The following ANK3 variants were observed in gnomAD, a reference collection of about 807,000 sequenced individuals.
The protein encoded by ANK3 is ankyrin 3, also known as ankyrin-3.
In ANK3, 57 loss-of-function variants were observed where a neutral mutation model predicts 370.9. The observed-to-expected ratio is 0.15, with a 90% CI of 0.12 to 0.19. The LOEUF is 0.19. Ranked by LOEUF, ANK3 falls within the 10% of genes least tolerant of loss-of-function variation. The pLI is 1.00. For missense variants in ANK3, 4,439 were observed against 5,302.1 expected, an observed-to-expected ratio of 0.84 and a Z score of 5.06; for synonymous variants, 1,929 against 1,946.3, an observed-to-expected ratio of 0.99 and a Z score of 0.23.
At chr10:60,319,368 A>G (rs2048142617) in intron 1 of ANK3, among the ~76,000 whole-genome samples, 1 of 152,184 alleles carries the variant, frequency 6.6e-6, no homozygotes, top group African/African-American at 2.4e-5. Context: ...AGGTAGTTGC[A>G]CTAGAACTAG....
chr10:60,239,303 G>A (rs2097384453), intron 7 of ANK3, among the ~76,000 whole-genome samples: 1 of 151,890 alleles, frequency 6.6e-6, no homozygotes, highest in Non-Finnish European at 1.5e-5. Context: ...GAGATGCCAA[G>A]CAAGATAAAC....
At chr10:60,557,473 C>T (rs1028574541) in intron 2 of ANK3, among the ~76,000 whole-genome samples, 13 of 151,908 alleles carry the variant, frequency 8.6e-5, no homozygotes, top group Non-Finnish European at 2.9e-5. Context: ...GTTGCCAAAG[C>T]CTGGGGAGAG....
chr10:60,469,038 T>C (rs2065088771), intron 2 of ANK3, among the ~76,000 whole-genome samples: 1 of 71,062 alleles, frequency 1.4e-5, no homozygotes, highest in East Asian at 3.8e-4. Context: ...AGTGTATATA[T>C]ATATATATAT....
At position 60,671,749 on chromosome 10, in the gene ANK3, G is replaced by C. The variant is rs559314918; in HGVS notation, c.58-56525C>G. The stretch of plus-strand genomic sequence containing the variant: ...ATCTTACTCTCTAGGACCACTCACA[G>C]TGGGGAGAATCCAGCAGCCATGTTG... On this transcript the variant is annotated intron_variant, in intron 1 of 43. Transcript: ENST00000373827. Among the ~76,000 whole-genome samples, 4 of 152,356 alleles carry C rather than the reference G, an allele frequency of 2.6e-5. No homozygotes were observed. In the East Asian group the frequency reaches 7.7e-4, roughly 29 times the overall value.
chr10:60,394,386 C>G (rs528460511), upstream of ANK3, among the ~76,000 whole-genome samples: 114 of 152,136 alleles, frequency 7.5e-4, 3 homozygotes, highest in South Asian at 0.022. Context: ...GCCATTCATA[C>G]ACCCCTTGTA....
chr10:60,125,687 G>A (rs1308094294), intron 25 of ANK3, among the ~76,000 whole-genome samples: 1 of 152,168 alleles, frequency 6.6e-6, no homozygotes, highest in African/African-American at 2.4e-5. Flanking sequence ...GGGAGATGGG[G>A]GTGGGAGTGT....
In ANK3 at chr10:60,071,309, G is replaced by T. The variant is rs755029765; in HGVS notation, c.9572C>A (p.Ala3191Asp). 5.0e-5 allele frequency: 80 copies of T among 1,614,072 alleles called. No individual in the cohort carries two copies. The highest frequency in any genetic ancestry group is 6.8e-5 in the Non-Finnish European group (80 of 1,179,998). ...TGGGCTGGGTTTGCCTGGTATATAA[G>T]CTATGAGCGAGTCAGGTGTCTTAGA... ...FTSKTPDSLI[A>D]YIPGKPSPIP... The change falls in exon 37 of 44, where the codon GCT (alanine) becomes GAT (aspartate). Residue 3191 changes from alanine to aspartate, a missense_variant. Physicochemically the swap from Ala to Asp is moderately radical, Grantham distance 126. Coordinates refer to ENST00000280772, the MANE Select transcript of ANK3 (RefSeq NM_020987.5).
Position 60,074,874 on chromosome 10 carries a change from G to C in ANK3, c.6007C>G (p.Gln2003Glu), listed in dbSNP as rs1408696210. 4.3e-6 allele frequency: 7 copies of C among 1,613,640 alleles called. No homozygotes were observed. Among genetic ancestry groups the C allele is most frequent in the Non-Finnish European group, 8.5e-7 (1 of 1,179,936 alleles). Residue 2003 changes from glutamine (Q) to glutamate (E), a missense_variant, in exon 37 of 44, where the codon CAA (glutamine) becomes GAA (glutamate). Coordinates refer to ENST00000280772, the MANE Select transcript of ANK3 (RefSeq NM_020987.5). ...SSEEIREARQ[Q>E]AAASQSPSLP... ...GATGGAGACTGGCTCGCAGCAGCTTGTTGTCTGGCTTCCCGGATTTCTTCC... is the reference window on the plus strand; with the variant it reads ...GATGGAGACTGGCTCGCAGCAGCTTCTTGTCTGGCTTCCCGGATTTCTTCC...
chr10:60,031,041 A>G (rs915812665), intron 43 of ANK3, among the ~76,000 whole-genome samples: 1 of 152,178 alleles, frequency 6.6e-6, no homozygotes, highest in African/African-American at 2.4e-5. Context: ...TTCCATGAGC[A>G]GAAAGGGCCA....
At chr10:60,181,213 T>C in intron 18 of ANK3, 116 bp downstream of exon 18, 1 of 952,834 alleles carries the variant, frequency 1.0e-6, no homozygotes, top group Non-Finnish European at 1.6e-6. Context: ...TTTAAAATAC[T>C]ACGTAGAAAA....
intron 38 of ANK3, among the ~76,000 whole-genome samples, chr10:60,067,267 T>C (rs1414200227): frequency 6.6e-6 from 1 of 152,216 alleles, no homozygotes; most frequent in Non-Finnish European, 1.5e-5. Flanking sequence ...AAAAATCACA[T>C]TTAAAAATTT....
chr10:60,360,216 T>C (rs546270692), intron 1 of ANK3, among the ~76,000 whole-genome samples: 1 of 152,346 alleles, frequency 6.6e-6, no homozygotes, highest in African/African-American at 2.4e-5. Context: ...GCTTACTTTA[T>C]TTGCCTGTTT....
At chr10:60,158,906 C>T (rs952347522) in intron 23 of ANK3, among the ~76,000 whole-genome samples, 1 of 151,882 alleles carries the variant, frequency 6.6e-6, no homozygotes, top group African/African-American at 2.4e-5. Flanking sequence ...GAACTCCTGG[C>T]CTCAAGTGAT....
intron 18 of ANK3, among the ~76,000 whole-genome samples, chr10:60,177,217 T>C (rs1430230667): frequency 2.0e-5 from 3 of 152,104 alleles, no homozygotes; most frequent in African/African-American, 7.2e-5. Flanking sequence ...TAAAATGGAG[T>C]GGATCCCGAG....
chr10:60,381,876 T>C (rs181878192), intron 1 of ANK3, among the ~76,000 whole-genome samples: 3 of 152,298 alleles, frequency 2.0e-5, no homozygotes, highest in African/African-American at 7.2e-5. Flanking sequence ...TGAACTCACA[T>C]TGAGCCTCAA....
At chr10:60,628,918 G>C (rs2133337753) in intron 1 of ANK3, among the ~76,000 whole-genome samples, 1 of 152,202 alleles carries the variant, frequency 6.6e-6, no homozygotes, top group Non-Finnish European at 1.5e-5. Flanking sequence ...CTAAAGGATT[G>C]AATATATCAA....
intron 1 of ANK3, among the ~76,000 whole-genome samples, chr10:60,732,455 A>G (rs1188175847): frequency 6.6e-6 from 1 of 152,130 alleles, no homozygotes; most frequent in African/African-American, 2.4e-5. Flanking sequence ...GAAGAAGGAG[A>G]CTATCTTGAT....
rs2096003013 is a variant in ANK3, at chr10:60,177,514, G to C, written c.2184+3815C>G. On this transcript the variant is annotated intron_variant, in intron 18 of 43. Coordinates refer to ENST00000280772, the MANE Select transcript of ANK3 (RefSeq NM_020987.5). ...ATTGAATGGTACTTGTGATCACCCA[G>C]TTGCACAGGTCAGATCCTTAGTTTC... Among the ~76,000 whole-genome samples the C allele has an allele frequency of 2.0e-5, 3 of 150,956 alleles. No homozygotes were observed. In the South Asian group the frequency reaches 6.3e-4, roughly 32 times the overall value.
rs199562501 is a variant in ANK3, at chr10:60,436,110, T to TA, written c.97-156472dup. ...TCTCAAAAAAAAATAAATAAATAAATAAAAAAAATAAAGTCTCATCAATGT... is the reference window on the plus strand; with the variant it reads ...TCTCAAAAAAAAATAAATAAATAAATAAAAAAAAATAAAGTCTCATCAATGT... On this transcript the variant is annotated intron_variant, in intron 2 of 43. Coordinates refer to the ANK3 transcript ENST00000373827. Among the ~76,000 whole-genome samples the TA allele has an allele frequency of 2.2e-3, 335 of 151,346 alleles. 2 individuals carry two copies. Among genetic ancestry groups the TA allele is most frequent in the African/African-American group, 7.6e-3 (315 of 41,262 alleles).
Sources: allele counts gnomAD v4.1 joint callset (sites outside exome capture counted in the v4.1 genomes callset), GRCh38; gene constraint gnomAD v4.1.1; transcripts MANE v1.5; gene names NCBI Gene and HGNC (gene_info 2026-07-23, HGNC 2026-07-21).